The following THOC2 variants were observed in gnomAD, a reference collection of about 807,000 sequenced individuals.
The protein encoded by THOC2 is THO complex 2.
In THOC2, 10 loss-of-function variants were observed where a neutral mutation model predicts 128.4. The ratio of observed to expected loss-of-function variants is 0.08; its 90% CI spans 0.05 to 0.13. The LOEUF (loss-of-function observed/expected upper bound fraction) is 0.13. Ranked by LOEUF, THOC2 falls within the 10% of genes least tolerant of loss-of-function variation. The probability of loss-of-function intolerance (pLI) is 1.00; values close to 1 mark genes in which losing one functional copy is unlikely to be tolerated. For synonymous variants in THOC2, 393 were observed against 396.9 expected (o/e 0.99, Z 0.12); for missense variants, 535 against 1,155.7 (o/e 0.46, Z 7.79).
chrX:123,629,040 T>C (rs944179429), intron 22 of THOC2, among the ~76,000 whole-genome samples: 1 of 109,746 alleles, frequency 9.1e-6, no homozygotes, highest in Non-Finnish European at 1.9e-5. Context: ...TGCCATATTC[T>C]TAATTGTATG....
chrX:123,642,125 T>C (rs1454495606), intron 15 of THOC2, among the ~76,000 whole-genome samples: 2 of 112,145 alleles, frequency 1.8e-5, no homozygotes, highest in Non-Finnish European at 3.8e-5. Context: ...CTAAGGTCAG[T>C]GTAGAAATAT....
At chrX:123,654,749 A>G (rs2048500012) in intron 12 of THOC2, among the ~76,000 whole-genome samples, 1 of 75,408 alleles carries the variant, frequency 1.3e-5, no homozygotes, top group Non-Finnish European at 2.5e-5. Flanking sequence ...ACAGAGCTAG[A>G]CTCCGTCTCA....
intron 1 of THOC2, among the ~76,000 whole-genome samples, chrX:123,717,227 A>G (rs1015990103): frequency 9.0e-6 from 1 of 111,697 alleles, no homozygotes; most frequent in African/African-American, 3.2e-5. Context: ...AATATACTGT[A>G]TCCATCAAGG....
intron 12 of THOC2, among the ~76,000 whole-genome samples, chrX:123,660,704 A>G (rs2048789320): frequency 8.9e-6 from 1 of 112,528 alleles, no homozygotes; most frequent in Non-Finnish European, 1.9e-5. Flanking sequence ...AAACATTATT[A>G]TACTTCCTTT....
intron 36 of THOC2, among the ~76,000 whole-genome samples, chrX:123,612,178 A>G (rs2046724939): frequency 9.0e-6 from 1 of 111,689 alleles, no homozygotes; most frequent in African/African-American, 3.2e-5. Context: ...TTGGGCATAT[A>G]TCCAAGATAA....
intron 12 of THOC2, among the ~76,000 whole-genome samples, chrX:123,656,049 G>A (rs970176976): frequency 5.5e-5 from 6 of 108,919 alleles, no homozygotes; most frequent in Non-Finnish European, 9.5e-5. Context: ...ATGGCCGGGC[G>A]TGGTGGCTCA....
chrX:123,726,968 G>A (rs978089931), intron 1 of THOC2, among the ~76,000 whole-genome samples: 4 of 111,601 alleles, frequency 3.6e-5, no homozygotes, highest in Middle Eastern at 4.6e-3. Context: ...GGGAGGCTGA[G>A]GGGGGAGGAT....
Position 123,613,629 on chromosome X carries a change from G to A in THOC2, c.4519+10C>T. On this transcript the variant is annotated intron_variant, in intron 35 of 38. Transcript: ENST00000245838. ...ATGATATCTTCAAAGATATGAATAA[G>A]TCTACCTACTTGTTCCATTCTCCTC... 1 of 1,209,042 alleles carries A rather than the reference G, an allele frequency of 8.3e-7. No individual in the cohort carries two copies. The highest frequency in any genetic ancestry group is 1.8e-5 in the South Asian group (1 of 56,907).
chrX:123,732,731 G>A (rs968710828), intron 1 of THOC2, among the ~76,000 whole-genome samples: 2 of 111,918 alleles, frequency 1.8e-5, no homozygotes, highest in Admixed American at 9.4e-5. Context: ...CCGAGCTACC[G>A]CAGGCAGTAG....
intron 1 of THOC2, among the ~76,000 whole-genome samples, chrX:123,727,771 T>C (rs990818604): frequency 6.3e-5 from 7 of 111,902 alleles, no homozygotes; most frequent in African/African-American, 1.9e-4. Flanking sequence ...AGGCATTCAT[T>C]TTTTCTACTT....
intron 12 of THOC2, among the ~76,000 whole-genome samples, chrX:123,664,583 A>G (rs965740829): frequency 8.9e-6 from 1 of 112,568 alleles, no homozygotes; most frequent in Non-Finnish European, 1.9e-5. Flanking sequence ...ACATTTATGC[A>G]GCCAACAGAC....
At chrX:123,699,803 A>G (rs954752551) in intron 4 of THOC2, among the ~76,000 whole-genome samples, 2 of 112,145 alleles carry the variant, frequency 1.8e-5, no homozygotes, top group African/African-American at 6.5e-5. Context: ...TAATTCTTAG[A>G]ATTGGATAAA....
chrX:123,702,602 ATATAT>A (rs1364454678), intron 4 of THOC2, among the ~76,000 whole-genome samples: 1 of 105,093 alleles, frequency 9.5e-6, no homozygotes, highest in Non-Finnish European at 1.9e-5. Flanking sequence ...TGTATATATA[ATATAT>A]ATGTGTATAT....
intron 33 of THOC2, among the ~76,000 whole-genome samples, chrX:123,616,401 G>C (rs189892960): frequency 3.6e-4 from 40 of 111,140 alleles, no homozygotes; most frequent in African/African-American, 1.3e-3. Flanking sequence ...GCTGGGTTTT[G>C]TTCTTGATTG....
At chrX:123,727,306 T>C (rs1479543095) in intron 1 of THOC2, among the ~76,000 whole-genome samples, 1 of 111,706 alleles carries the variant, frequency 9.0e-6, no homozygotes, top group East Asian at 2.8e-4. Context: ...CTGAGATTTT[T>C]CCCCAACAAG....
chrX:123,731,491 C>A (rs1336355728), intron 1 of THOC2, among the ~76,000 whole-genome samples: 1 of 112,001 alleles, frequency 8.9e-6, no homozygotes, highest in African/African-American at 3.2e-5. Flanking sequence ...GTTTAAATAT[C>A]TAAAGGTTGG....
At chrX:123,696,331 T>A (rs1218919627) in intron 6 of THOC2, among the ~76,000 whole-genome samples, 177 bp from the exon 7 acceptor site, 4 of 111,528 alleles carry the variant, frequency 3.6e-5, no homozygotes, top group African/African-American at 1.3e-4. Context: ...GTGATTCATA[T>A]GAGAACCCCA....
intron 28 of THOC2, 34 bp from the exon 29 acceptor site, chrX:123,623,317 C>T: frequency 9.0e-7 from 1 of 1,112,322 alleles, no homozygotes; most frequent in Non-Finnish European, 1.2e-6. Context: ...AATATACAAA[C>T]ACAAATCAAA....
At chrX:123,706,774 C>T (rs992622813) in intron 3 of THOC2, 84 bp downstream of exon 3, 2 of 397,229 alleles carry the variant, frequency 5.0e-6, no homozygotes, top group African/African-American at 5.3e-5. Context: ...GAATAAAATA[C>T]AAGTTATAAA....
Sources: allele counts gnomAD v4.1 joint callset (sites outside exome capture counted in the v4.1 genomes callset), GRCh38; gene constraint gnomAD v4.1.1; transcripts MANE v1.5; gene names NCBI Gene and HGNC (gene_info 2026-07-23, HGNC 2026-07-21).